The following TTC29 variants were observed in gnomAD, a reference collection of about 807,000 sequenced individuals.
The protein encoded by TTC29 is tetratricopeptide repeat domain 29.
Under a neutral mutation model 58.1 loss-of-function variants are expected in TTC29, and 49 were observed. The ratio of observed to expected loss-of-function variants is 0.84; its 90% CI spans 0.67 to 1.07. TTC29 has a LOEUF of 1.07. TTC29 is among the 50% of genes least tolerant of loss of function. The probability of loss-of-function intolerance (pLI) is 0.00; values close to 1 mark genes in which losing one functional copy is unlikely to be tolerated. For synonymous variants in TTC29, 209 were observed against 196.8 expected, an observed-to-expected ratio of 1.06 and a Z score of -0.52; for missense variants, 582 against 555.6, an observed-to-expected ratio of 1.05 and a Z score of -0.48.
intron 8 of TTC29, 40 bp from the exon 9 acceptor site, chr4:146,833,937 C>G (rs750854671): frequency 7.7e-7 from 1 of 1,306,896 alleles, no homozygotes; most frequent in African/African-American, 1.5e-5. Flanking sequence ...TATAGCACAG[C>G]CAGATACGCT....
chr4:146,765,578 G>T (rs901704897), intron 11 of TTC29, among the ~76,000 whole-genome samples: 1 of 152,056 alleles, frequency 6.6e-6, no homozygotes, highest in Non-Finnish European at 1.5e-5. Flanking sequence ...TGAGAATATC[G>T]TCTGTAATTT....
At chr4:146,738,650 G>T (rs938501726) in intron 11 of TTC29, among the ~76,000 whole-genome samples, 1 of 152,046 alleles carries the variant, frequency 6.6e-6, no homozygotes, top group African/African-American at 2.4e-5. Flanking sequence ...TGGAGTGTTA[G>T]GTCTCAGGGG....
chr4:146,713,287 T>TTCCTCCTCCTCCTCCTCC (rs144211688), intron 11 of TTC29, among the ~76,000 whole-genome samples: 1 of 149,962 alleles, frequency 6.7e-6, no homozygotes, highest in African/African-American at 2.5e-5. Flanking sequence ...TTTATTCGTT[T>TTCCTCCTCCTCCTCCTCC]TCCTCCTCCT....
intron 11 of TTC29, among the ~76,000 whole-genome samples, chr4:146,747,965 C>T (rs1402880080): frequency 6.6e-6 from 1 of 152,234 alleles, no homozygotes; most frequent in Non-Finnish European, 1.5e-5. Flanking sequence ...TCCCCACCCG[C>T]TGGAGCCCAA....
At chr4:146,938,548 T>C (rs1403275490) in intron 3 of TTC29, among the ~76,000 whole-genome samples, 1 of 152,186 alleles carries the variant, frequency 6.6e-6, no homozygotes, top group Non-Finnish European at 1.5e-5. Flanking sequence ...ATAAATATTT[T>C]ACATTATTCA....
In TTC29 at chr4:146,833,890, T is replaced by C. The variant is rs1472939249; in HGVS notation, c.893A>G (p.Asp298Gly). The C allele has an allele frequency of 1.2e-6, 2 of 1,611,670 alleles. No homozygotes were observed. Among genetic ancestry groups the C allele is most frequent in the Admixed American group, 1.7e-5 (1 of 59,914 alleles). ...EEYETALTVLDTYCKISTDLD... is the reference protein window; with the variant it reads ...EEYETALTVLGTYCKISTDLD... ...GTCTGTGGAGATTTTACAGTAAGTG[T>C]CAAGGACCTATCAGGAAGAGAAATA... The change falls in exon 9 of 13, where the codon GAC becomes GGC. Residue 298 changes from aspartate to glycine, a missense_variant. Transcript: ENST00000325106.
intron 6 of TTC29, among the ~76,000 whole-genome samples, chr4:146,875,941 C>T (rs766186670): frequency 2.6e-5 from 4 of 152,142 alleles, no homozygotes; most frequent in African/African-American, 4.8e-5. Context: ...TGGGAATGCT[C>T]ACAATATCCT....
At chr4:146,818,119 A>T (rs1751546843) in intron 10 of TTC29, among the ~76,000 whole-genome samples, 1 of 152,258 alleles carries the variant, frequency 6.6e-6, no homozygotes, top group African/African-American at 2.4e-5. Flanking sequence ...TGCACAGAAA[A>T]AGAAACTACC....
intron 6 of TTC29, among the ~76,000 whole-genome samples, chr4:146,891,737 C>T (rs1732380457): frequency 6.6e-6 from 1 of 152,186 alleles, no homozygotes; most frequent in Admixed American, 6.5e-5. Context: ...CAGAACCATG[C>T]TGAGGCACAG....
intron 11 of TTC29, among the ~76,000 whole-genome samples, chr4:146,756,715 T>C (rs1428046643): frequency 6.6e-6 from 1 of 151,926 alleles, no homozygotes; most frequent in Non-Finnish European, 1.5e-5. Context: ...GGAGTCTTTG[T>C]TCATGTATTT....
At chr4:146,923,536 G>A (rs774368048) in intron 4 of TTC29, among the ~76,000 whole-genome samples, 56 of 151,842 alleles carry the variant, frequency 3.7e-4, no homozygotes, top group South Asian at 2.5e-3. Flanking sequence ...TCTTGGTAAC[G>A]TGTATCTATT....
At chr4:146,779,402 AT>A (rs1748399221) in intron 11 of TTC29, among the ~76,000 whole-genome samples, 1 of 152,284 alleles carries the variant, frequency 6.6e-6, no homozygotes, top group African/African-American at 2.4e-5. Context: ...GGAGCAATAT[AT>A]TTTTAAAGTA....
intron 10 of TTC29, among the ~76,000 whole-genome samples, chr4:146,806,530 G>A (rs1196300111): frequency 1.3e-5 from 2 of 152,068 alleles, no homozygotes; most frequent in African/African-American, 2.4e-5. Flanking sequence ...ATAAAGGGAT[G>A]AAGGAATATT....
At chr4:146,877,988 G>A (rs970323897) in intron 6 of TTC29, among the ~76,000 whole-genome samples, 4 of 152,140 alleles carry the variant, frequency 2.6e-5, no homozygotes, top group South Asian at 2.1e-4. Context: ...GACAAAATGG[G>A]AGGTGGGAAG....
rs375480677 is a variant in TTC29, at chr4:146,850,048, T to C, written c.886-16151A>G. Among the ~76,000 whole-genome samples, 92 of 152,330 alleles carry C rather than the reference T, an allele frequency of 6.0e-4. 3 individuals are homozygous for C. In the South Asian group the frequency reaches 0.013, roughly 22 times the overall value. ...ATATACTGTTTAATTCACTTGTCAA[T>C]TATGTTTCATCTTCATTGTTAGTTT... On this transcript the variant is annotated intron_variant, in intron 8 of 12. Coordinates refer to ENST00000325106, the MANE Select transcript of TTC29 (RefSeq NM_031956.4).
chr4:146,921,958 T>A (rs1734608364), intron 4 of TTC29, among the ~76,000 whole-genome samples: 1 of 141,824 alleles, frequency 7.1e-6, no homozygotes. Context: ...TATACATCCA[T>A]GACACACTTA....
At chr4:146,825,464 A>G (rs1256066260) in intron 9 of TTC29, among the ~76,000 whole-genome samples, 1 of 152,162 alleles carries the variant, frequency 6.6e-6, no homozygotes, top group Non-Finnish European at 1.5e-5. Flanking sequence ...GTGATCTGAG[A>G]GACTGTTGGT....
chr4:146,849,529 T>C (rs1729381673), intron 8 of TTC29, among the ~76,000 whole-genome samples: 1 of 152,178 alleles, frequency 6.6e-6, no homozygotes, highest in African/African-American at 2.4e-5. Flanking sequence ...GATGTCAACC[T>C]CATGCTTGTC....
chr4:146,872,907 T>C (rs555208122), intron 7 of TTC29, among the ~76,000 whole-genome samples: 2 of 152,080 alleles, frequency 1.3e-5, no homozygotes, highest in Admixed American at 6.6e-5. Flanking sequence ...TGAAAAGTTG[T>C]ACACAAATGT....
Sources: gnomAD v4.1 joint callset for allele counts (sites outside exome capture counted in the v4.1 genomes callset) on GRCh38, gnomAD v4.1.1 for gene constraint, MANE v1.5 for transcripts, NCBI Gene and HGNC (gene_info 2026-07-23, HGNC 2026-07-21) for gene names.